DGKB: variants seen among roughly 807,000 people sequenced by gnomAD.
DGKB encodes 90 kDa diacylglycerol kinase.
DGKB carries 67 observed loss-of-function variants against 114.3 expected under a neutral mutation model. That is an observed-to-expected ratio of 0.59 (90% CI 0.48 to 0.72). DGKB has a LOEUF of 0.72. Among genes scored for constraint, DGKB ranks in the 30% least tolerant of loss-of-function variants. DGKB has a pLI of 0.00. For missense variants in DGKB, 907 were observed against 975.2 expected (o/e 0.93, Z 0.93); for synonymous variants, 398 against 323.1 (o/e 1.23, Z -2.49).
At chr7:14,356,349 GTTC>G (rs1814500626) in intron 21 of DGKB, among the ~76,000 whole-genome samples, 2 of 109,326 alleles carry the variant, frequency 1.8e-5, no homozygotes, top group African/African-American at 6.7e-5. Flanking sequence ...TGCTTCTCTA[GTTC>G]TTTTTTTTTT....
At chr7:14,933,844 C>T (rs1017257572) in intron 1 of DGKB, among the ~76,000 whole-genome samples, 2 of 152,012 alleles carry the variant, frequency 1.3e-5, no homozygotes, top group African/African-American at 4.8e-5. Flanking sequence ...CTAGAAGTTC[C>T]TCTGTTTGGT....
intron 25 of DGKB, among the ~76,000 whole-genome samples, chr7:14,163,859 G>A (rs1374821596): frequency 6.6e-6 from 1 of 152,022 alleles, no homozygotes; most frequent in Non-Finnish European, 1.5e-5. Context: ...GCTGGGTGCG[G>A]CGGCAGGTGC....
At chr7:14,665,324 C>T (rs1224828048) in intron 13 of DGKB, among the ~76,000 whole-genome samples, 1 of 151,334 alleles carries the variant, frequency 6.6e-6, no homozygotes, top group South Asian at 2.1e-4. Context: ...AATGAGAGCT[C>T]GATGATGAGA....
At chr7:14,280,654 C>T (rs369471859) in intron 23 of DGKB, among the ~76,000 whole-genome samples, 3 of 151,178 alleles carry the variant, frequency 2.0e-5, no homozygotes, top group African/African-American at 4.9e-5. Flanking sequence ...AGACTAACAG[C>T]GGATCTCTCG....
At position 14,147,164 on chromosome 7, in the gene DGKB, T is replaced by A. The variant is rs1183141453; in HGVS notation, c.*1967A>T. ...GTTACGTAACATTATGTCAGTAATG[T>A]ACTTGTTACTGTTTTGAGATTTCTT... On this transcript the variant is annotated 3_prime_UTR_variant, in exon 26 of 26. Transcript: ENST00000402815. The A allele has an allele frequency of 6.6e-6, 1 of 152,172 alleles. No individual in the cohort carries two copies. The highest frequency in any genetic ancestry group is 2.4e-5 in the African/African-American group (1 of 41,452). The allele number at this position is 152,172 out of a possible 1,614,324, so 9.4% of individuals were successfully genotyped here. A position where few individuals can be genotyped will look rare whatever the true frequency, so the allele number is the denominator to read the frequency against.
At chr7:14,878,759 A>AAAC (rs1853734845) in intron 1 of DGKB, among the ~76,000 whole-genome samples, 1 of 113,032 alleles carries the variant, frequency 8.8e-6, no homozygotes, top group Non-Finnish European at 2.2e-5. Flanking sequence ...AAAAAACAAA[A>AAAC]AAAAAAAAAC....
At chr7:14,280,895 A>T (rs368598232) in intron 23 of DGKB, among the ~76,000 whole-genome samples, 4 of 151,982 alleles carry the variant, frequency 2.6e-5, no homozygotes, top group Non-Finnish European at 5.9e-5. Context: ...AGTACCAGCC[A>T]CTGCAAAATC....
At chr7:14,383,886 G>A (rs2128689586) in intron 21 of DGKB, among the ~76,000 whole-genome samples, 1 of 152,272 alleles carries the variant, frequency 6.6e-6, no homozygotes, top group East Asian at 1.9e-4. Context: ...ATTAAGTGGT[G>A]TCATTTGGCA....
At chr7:14,772,058 C>A (rs1207111369) in intron 2 of DGKB, among the ~76,000 whole-genome samples, 2 of 152,106 alleles carry the variant, frequency 1.3e-5, no homozygotes, top group East Asian at 3.9e-4. Flanking sequence ...AAGCCCCCGG[C>A]TTTGAGCTGT....
At chr7:14,234,997 G>A (rs1367868955) in intron 23 of DGKB, among the ~76,000 whole-genome samples, 1 of 151,860 alleles carries the variant, frequency 6.6e-6, no homozygotes, top group African/African-American at 2.4e-5. Context: ...AAATTCTTTT[G>A]GTCAACAAAA....
intron 1 of DGKB, among the ~76,000 whole-genome samples, chr7:14,937,619 T>C (rs1041543330): frequency 2.6e-5 from 4 of 152,158 alleles, no homozygotes; most frequent in Non-Finnish European, 2.9e-5. Context: ...GTTTCTTGAC[T>C]TTTCTTTTCC....
rs778857592 is a variant in DGKB at position 14,775,821 on chromosome 7, G to A, written c.71-18090C>T. Reference sequence around the variant, plus strand: ...ATGTTTCTATTAGTAGTGTGAGAATGGACTAAAACAGTAAATTGGTCATGG... The same window carrying A: ...ATGTTTCTATTAGTAGTGTGAGAATAGACTAAAACAGTAAATTGGTCATGG... On this transcript the variant is annotated intron_variant, in intron 2 of 25. Coordinates refer to ENST00000402815, the MANE Select transcript of DGKB (RefSeq NM_001350709.2). 9.5e-4 allele frequency among the ~76,000 whole-genome samples: 145 copies of A among 152,106 alleles called. 1 individual carries two copies. The highest frequency in any genetic ancestry group is 2.6e-4 in the Non-Finnish European group (18 of 67,996).
chr7:14,874,286 T>C (rs1294329475), intron 1 of DGKB, among the ~76,000 whole-genome samples: 1 of 152,116 alleles, frequency 6.6e-6, no homozygotes, highest in Non-Finnish European at 1.5e-5. Context: ...ACACTTGAAC[T>C]GATTGATAAT....
intron 20 of DGKB, among the ~76,000 whole-genome samples, chr7:14,499,584 G>T (rs968944435): frequency 3.0e-4 from 46 of 151,866 alleles, no homozygotes; most frequent in African/African-American, 1.1e-3. Context: ...AAATCACAAA[G>T]GTGGAGCCTC....
chr7:14,721,746 A>G (rs564124516), intron 5 of DGKB, among the ~76,000 whole-genome samples: 1 of 152,180 alleles, frequency 6.6e-6, no homozygotes, highest in African/African-American at 2.4e-5. Context: ...GGTAAAATAT[A>G]TATTTTTGGA....
chr7:14,176,290 A>C (rs1026143233), intron 25 of DGKB: 3 of 959,270 alleles, frequency 3.1e-6, no homozygotes, highest in Non-Finnish European at 3.7e-6. Flanking sequence ...TATGCAAATG[A>C]AAACTGATTT....
At chr7:14,626,766 T>C (rs1808673108) in intron 14 of DGKB, among the ~76,000 whole-genome samples, 1 of 152,196 alleles carries the variant, frequency 6.6e-6, no homozygotes, top group South Asian at 2.1e-4. Context: ...GTTTTGATTG[T>C]TTTTAATTAT....
At chr7:14,325,165 G>C (rs1808501423) in intron 23 of DGKB, among the ~76,000 whole-genome samples, 1 of 152,128 alleles carries the variant, frequency 6.6e-6, no homozygotes, top group African/African-American at 2.4e-5. Flanking sequence ...CTTATAAACA[G>C]CTCTGTGCAT....
At chr7:14,324,600 G>A (rs1020773272) in intron 23 of DGKB, among the ~76,000 whole-genome samples, 9 of 151,956 alleles carry the variant, frequency 5.9e-5, no homozygotes, top group East Asian at 1.9e-4. Flanking sequence ...TGTCATTTGC[G>A]GTGATGGAAG....
Sources: allele counts gnomAD v4.1 joint callset (sites outside exome capture counted in the v4.1 genomes callset), GRCh38; gene constraint gnomAD v4.1.1; transcripts MANE v1.5; gene names NCBI Gene and HGNC (gene_info 2026-07-23, HGNC 2026-07-21).